Variants in NELL1 observed in about 807,000 individuals in gnomAD.
The protein encoded by NELL1 is neural EGFL like 1.
In NELL1, 76 loss-of-function variants were observed where a neutral mutation model predicts 107.4. The observed-to-expected ratio is 0.71, with a 90% CI of 0.59 to 0.86. The LOEUF (loss-of-function observed/expected upper bound fraction) is 0.86, where lower values mean the gene tolerates loss of function less well. Among genes scored for constraint, NELL1 ranks in the 40% least tolerant of loss-of-function variants. NELL1 has a pLI of 0.00. For missense variants in NELL1, 1,024 were observed against 1,005.5 expected (o/e 1.02, Z -0.25); for synonymous variants, 353 against 341.2 (o/e 1.03, Z -0.38).
At chr11:20,994,080 C>G (rs1332451040) in intron 12 of NELL1, among the ~76,000 whole-genome samples, 2 of 152,264 alleles carry the variant, frequency 1.3e-5, no homozygotes, top group East Asian at 3.9e-4. Context: ...ATTAGGACAA[C>G]TTTTAAGAAA....
intron 2 of NELL1, among the ~76,000 whole-genome samples, chr11:20,746,589 C>G (rs1856008768): frequency 6.6e-6 from 1 of 151,598 alleles, no homozygotes; most frequent in African/African-American, 2.4e-5. Context: ...CACACACACA[C>G]ACACACACAC....
At chr11:21,082,938 CT>C (rs372339006) in intron 12 of NELL1, among the ~76,000 whole-genome samples, 9 of 152,286 alleles carry the variant, frequency 5.9e-5, no homozygotes, top group African/African-American at 2.2e-4. Flanking sequence ...TGTAGCCTGA[CT>C]TTTAGTAGAG....
At chr11:21,326,738 T>C (rs892003257) in intron 14 of NELL1, among the ~76,000 whole-genome samples, 11 of 152,090 alleles carry the variant, frequency 7.2e-5, no homozygotes, top group African/African-American at 2.2e-4. Context: ...ATATTTTCAC[T>C]GATTATAGAA....
chr11:21,546,255 T>G (rs1856439095), intron 16 of NELL1, among the ~76,000 whole-genome samples: 1 of 152,034 alleles, frequency 6.6e-6, no homozygotes, highest in Non-Finnish European at 1.5e-5. Context: ...CTTTCCTTTG[T>G]CAGTTTCTGA....
chr11:21,293,207 C>T (rs550600697), intron 14 of NELL1, among the ~76,000 whole-genome samples: 6 of 152,034 alleles, frequency 3.9e-5, no homozygotes, highest in African/African-American at 1.4e-4. Context: ...CCAGAATCTA[C>T]AAGGAACTTA....
At chr11:20,737,136 C>T (rs1377702489) in intron 2 of NELL1, among the ~76,000 whole-genome samples, 2 of 152,052 alleles carry the variant, frequency 1.3e-5, no homozygotes, top group Non-Finnish European at 2.9e-5. Context: ...TACTTACCTG[C>T]TCTTATTTTT....
intron 13 of NELL1, among the ~76,000 whole-genome samples, chr11:21,162,988 A>G (rs1442721506): frequency 6.6e-6 from 1 of 152,188 alleles, no homozygotes; most frequent in African/African-American, 2.4e-5. Context: ...AATTGGTATA[A>G]TTTTAAATGA....
intron 12 of NELL1, among the ~76,000 whole-genome samples, chr11:21,047,290 G>A (rs1308236110): frequency 1.3e-5 from 2 of 152,020 alleles, no homozygotes; most frequent in East Asian, 3.9e-4. Flanking sequence ...TCTGATGGTA[G>A]CTCATGTTTG....
intron 13 of NELL1, among the ~76,000 whole-genome samples, chr11:21,149,698 C>T (rs1041714158): frequency 4.6e-5 from 7 of 152,128 alleles, no homozygotes; most frequent in Admixed American, 3.3e-4. Context: ...TTACTGAATA[C>T]GTGCTGTATA....
At chr11:21,144,983 C>T (rs1366855529) in intron 13 of NELL1, among the ~76,000 whole-genome samples, 4 of 152,108 alleles carry the variant, frequency 2.6e-5, no homozygotes, top group African/African-American at 9.7e-5. Flanking sequence ...CTCTTTGCAC[C>T]TCAGTTTCCT....
chr11:21,079,674 T>C (rs553891012), intron 12 of NELL1, among the ~76,000 whole-genome samples: 49 of 152,154 alleles, frequency 3.2e-4, no homozygotes, highest in Non-Finnish European at 6.0e-4. Context: ...ATTACTAGAA[T>C]ATATGGGAAT....
chr11:20,725,546 T>G (rs963953507), intron 2 of NELL1, among the ~76,000 whole-genome samples: 2 of 152,116 alleles, frequency 1.3e-5, no homozygotes, highest in African/African-American at 4.8e-5. Context: ...GCAAAGAAAA[T>G]GCATGAATCT....
chr11:21,377,470 C>A (rs72956000), intron 15 of NELL1, among the ~76,000 whole-genome samples: 10,949 of 152,086 alleles, frequency 0.072, 489 homozygotes, highest in East Asian at 0.13. Context: ...AGAATTTTTG[C>A]AGCTATGTTC....
intron 12 of NELL1, among the ~76,000 whole-genome samples, chr11:21,094,790 T>C (rs1854602612): frequency 6.6e-6 from 1 of 152,190 alleles, no homozygotes; most frequent in Non-Finnish European, 1.5e-5. Context: ...ACGAAGACCC[T>C]GGGCCTGGCC....
chr11:20,732,490 T>C (rs1004359837), intron 2 of NELL1, among the ~76,000 whole-genome samples: 13 of 152,182 alleles, frequency 8.5e-5, no homozygotes, highest in Non-Finnish European at 1.9e-4. Flanking sequence ...TGTGTAAAGA[T>C]AATGAGCATT....
chr11:20,845,783 C>T (rs1564931758), intron 3 of NELL1, among the ~76,000 whole-genome samples: 1 of 151,992 alleles, frequency 6.6e-6, no homozygotes. Flanking sequence ...ATTTTTCACC[C>T]TTTTTTTGGG....
intron 15 of NELL1, among the ~76,000 whole-genome samples, chr11:21,489,917 C>T (rs1251462604): frequency 1.3e-5 from 2 of 151,960 alleles, no homozygotes; most frequent in African/African-American, 2.4e-5. Flanking sequence ...TACATCAATC[C>T]TATTTATCAT....
chr11:20,786,565 A>G (rs1052443442), intron 3 of NELL1, among the ~76,000 whole-genome samples: 1 of 151,950 alleles, frequency 6.6e-6, no homozygotes, highest in African/African-American at 2.4e-5. Flanking sequence ...CATGCCACCA[A>G]AATATGTTAC....
At chr11:20,979,106 C>A (rs920590423) in intron 12 of NELL1, among the ~76,000 whole-genome samples, 3 of 152,164 alleles carry the variant, frequency 2.0e-5, no homozygotes, top group African/African-American at 7.2e-5. Flanking sequence ...CCAAGTTCTT[C>A]TCTTGAAAGG....
Sources: gnomAD v4.1 joint callset for allele counts (sites outside exome capture counted in the v4.1 genomes callset) on GRCh38, gnomAD v4.1.1 for gene constraint, MANE v1.5 for transcripts, NCBI Gene and HGNC (gene_info 2026-07-23, HGNC 2026-07-21) for gene names.